GPKOW: variants seen among roughly 807,000 people sequenced by gnomAD.
GPKOW encodes the protein G-patch domain and KOW motifs-containing protein.
For missense variants in GPKOW, 359 were observed against 404.7 expected (o/e 0.89, Z 0.97); for synonymous variants, 167 against 159.1 (o/e 1.05, Z -0.37).
intron 3 of GPKOW, among the ~76,000 whole-genome samples, chrX:49,121,653 C>G (rs782512541): frequency 1.8e-5 from 2 of 110,631 alleles, no homozygotes; most frequent in South Asian, 7.6e-4. Flanking sequence ...CACGTCCCCT[C>G]TTGTCACCTC....
At chrX:49,123,503 C>T in intron 1 of GPKOW, 44 bp downstream of exon 1, 1 of 1,134,373 alleles carries the variant, frequency 8.8e-7, no homozygotes, top group African/African-American at 1.8e-5. Context: ...CCCGCTTACG[C>T]CCACCGCAGA....
intron 8 of GPKOW, 38 bp from the exon 9 acceptor site, chrX:49,115,833 A>G: frequency 8.4e-7 from 1 of 1,195,258 alleles, no homozygotes; most frequent in Non-Finnish European, 1.1e-6. Context: ...GATTTTAGAG[A>G]GGTAGGGGGG....
intron 4 of GPKOW, among the ~76,000 whole-genome samples, chrX:49,118,585 A>C (rs73634203): frequency 0.093 from 9,965 of 107,055 alleles, 1,300 homozygotes; most frequent in African/African-American, 0.33. Context: ...CTAAAAATAC[A>C]AAAATTAACC....
Position 49,119,737 on chromosome X carries a change from T to C in GPKOW, c.534A>G (p.Lys178=), listed in dbSNP as rs1424824767. Reference sequence around the variant, plus strand: ...AGGTGCGGCCGATGCCCTCGCCAGGTTTCCAGCCCATGCCCCGCAGCATGG... The same window carrying C: ...AGGTGCGGCCGATGCCCTCGCCAGGCTTCCAGCCCATGCCCCGCAGCATGG... ...GLAMLRGMGW[K]PGEGIGRTFN... Residue 178 remains lysine, a synonymous_variant, in exon 4 of 11, where the codon AAA becomes AAG. Transcript: ENST00000156109. The C allele has an allele frequency of 2.5e-6, 3 of 1,203,280 alleles. No individual in the cohort carries two copies. Among genetic ancestry groups the C allele is most frequent in the Middle Eastern group, 4.6e-4 (2 of 4,331 alleles).
In GPKOW at chrX:49,115,745, A is replaced by G. The variant is rs782801273; in HGVS notation, c.1191T>C (p.Asp397=). 1 of 1,207,473 alleles carries G rather than the reference A, an allele frequency of 8.3e-7. No individual in the cohort carries two copies. The highest frequency in any genetic ancestry group is 1.7e-5 in the African/African-American group (1 of 57,646). The change falls in exon 9 of 11, where the codon GAT becomes GAC. Residue 397 remains aspartate (D), a synonymous_variant. Transcript: ENST00000156109. ...ACTCACCTTCCAGGACTCGGCCTTC[A>G]TCTGTCCGACATACACAGGTATCTG... ...LSPDTCVCRT[D]EGRVLEGLRE...
chrX:49,119,284 TC>T (rs782135903), intron 4 of GPKOW, among the ~76,000 whole-genome samples: 303 of 110,571 alleles, frequency 2.7e-3, no homozygotes, highest in Non-Finnish European at 4.8e-3. Flanking sequence ...AATTAATTAA[TC>T]TTTTGTAGAG....
chrX:49,119,945 A>T, intron 3 of GPKOW, 131 bp from the exon 4 acceptor site: 1 of 437,963 alleles, frequency 2.3e-6, no homozygotes. Context: ...GTGAGTTTTG[A>T]TTTCCTCTTT....
At chrX:49,122,326 C>T (rs781950348) in intron 3 of GPKOW, 72 bp downstream of exon 3, 173 of 928,143 alleles carry the variant, frequency 1.9e-4, no homozygotes, top group Non-Finnish European at 2.3e-4. Flanking sequence ...TTCCCTGCTA[C>T]GTGCAGGGAC....
chrX:49,123,587 T>C lies in GPKOW; in HGVS notation c.136A>G (p.Lys46Glu), dbSNP rs1569524626. The change falls in exon 1 of 11, where the codon AAG (lysine) becomes GAG (glutamate). Residue 46 changes from lysine (K) to glutamate (E), a missense_variant. Physicochemically the swap from Lys to Glu is moderately conservative, Grantham distance 56 (BLOSUM62 1). Transcript: ENST00000156109. ...CCTTCCACGGTTTTCAAGAAATCCT[T>C]CTCCTCCGGAGATGGCCCCGCGCCG... ...GDGAGPSPEE[K>E]DFLKTVEGRE... The C allele has an allele frequency of 8.3e-7, 1 of 1,208,830 alleles. No homozygotes were observed. Among genetic ancestry groups the C allele is most frequent in the Admixed American group, 2.2e-5 (1 of 45,598 alleles).
rs140674609 is a variant in GPKOW, at chrX:49,113,725, G to A, written c.1327C>T (p.Arg443Trp). 1,597 of 1,205,595 alleles carry A rather than the reference G, an allele frequency of 1.3e-3. No homozygotes were observed. The highest frequency in any genetic ancestry group is 1.7e-3 in the Non-Finnish European group (1,527 of 892,852). Residue 443 changes from arginine to tryptophan, a missense_variant, in exon 11 of 11, where the codon CGG becomes TGG. By Grantham distance (101) the Arg-to-Trp change is moderately radical (BLOSUM62 -3). Transcript: ENST00000156109. Reference sequence around the variant, plus strand: ...GGCAGTTGCACCAAAGCCCGGCTCCGTGCTCTGTCCCGGCTCAGCAAATGT... The same window carrying A: ...GGCAGTTGCACCAAAGCCCGGCTCCATGCTCTGTCCCGGCTCAGCAAATGT... Reference protein sequence around the residue: ...VGHLLSRDRARSRALVQLPRE... With the variant: ...VGHLLSRDRAWSRALVQLPRE...
chrX:49,116,308 G>C lies in GPKOW; in HGVS notation c.929C>G (p.Thr310Ser). ...CCAGAGGGTCTTCCGTGATGAGGCA[G>C]TTCCGTTCTGTTGCCCTGGGGAAGG... Reference protein sequence around the residue: ...NTLDLRQQNGTASSRKTLWNQ... With the variant: ...NTLDLRQQNGSASSRKTLWNQ... The change falls in exon 7 of 11, where the codon ACT becomes AGT. Residue 310 changes from threonine (T) to serine (S), a missense_variant. Coordinates refer to ENST00000156109, the MANE Select transcript of GPKOW (RefSeq NM_015698.6). 8.4e-7 allele frequency: 1 copy of C among 1,188,414 alleles called. No homozygotes were observed. The highest frequency in any genetic ancestry group is 2.3e-4 in the Middle Eastern group (1 of 4,301).
In GPKOW at chrX:49,122,419, G is replaced by C. The variant is rs782534058; in HGVS notation, c.435C>G (p.Asp145Glu). Reference sequence around the variant, plus strand: ...TCACTGTCTCTGCCCGGGGTTCGCTGTCTGCCCCTTCCCCGCTGGGGGTGC... The same window carrying C: ...TCACTGTCTCTGCCCGGGGTTCGCTCTCTGCCCCTTCCCCGCTGGGGGTGC... Reference protein sequence around the residue: ...KGCTPSGEGADSEPRAETVPE... With the variant: ...KGCTPSGEGAESEPRAETVPE... Residue 145 changes from aspartate (D) to glutamate (E), a missense_variant, in exon 3 of 11, where the codon GAC becomes GAG. Physicochemically the swap from Asp to Glu is conservative, Grantham distance 45 (BLOSUM62 2). Coordinates refer to ENST00000156109, the MANE Select transcript of GPKOW (RefSeq NM_015698.6). 1.4e-5 allele frequency: 17 copies of C among 1,173,616 alleles called. No individual in the cohort carries two copies. In the Admixed American group the frequency reaches 4.3e-4, roughly 30 times the overall value.
At chrX:49,118,791 G>A (rs782266249) in intron 4 of GPKOW, among the ~76,000 whole-genome samples, 6 of 102,052 alleles carry the variant, frequency 5.9e-5, no homozygotes, top group African/African-American at 2.2e-4. Flanking sequence ...ATATTTGGCT[G>A]CCAATGGGTT....
At chrX:49,122,545 C>G in intron 2 of GPKOW, 23 bp from the exon 3 acceptor site, 2 of 1,207,285 alleles carry the variant, frequency 1.7e-6, no homozygotes, top group East Asian at 3.0e-5. Context: ...TAGGAGGGAG[C>G]AATGAAGTCC....
intron 3 of GPKOW, among the ~76,000 whole-genome samples, chrX:49,120,521 G>A (rs2065209757): frequency 9.0e-6 from 1 of 111,337 alleles, no homozygotes; most frequent in Non-Finnish European, 1.9e-5. Flanking sequence ...AGAGATGCTG[G>A]TGGCTCAGCC....
intron 3 of GPKOW, among the ~76,000 whole-genome samples, chrX:49,122,034 G>C (rs1385020785): frequency 8.9e-6 from 1 of 111,811 alleles, no homozygotes; most frequent in Non-Finnish European, 1.9e-5. Flanking sequence ...GGCCCTGCCT[G>C]GTCTAGCACC....
intron 6 of GPKOW, among the ~76,000 whole-genome samples, chrX:49,116,542 G>A (rs782569587): frequency 1.2e-4 from 13 of 110,587 alleles, no homozygotes; most frequent in Admixed American, 1.9e-4. Context: ...GAACCCTCCC[G>A]CAGCCAACCT....
intron 4 of GPKOW, among the ~76,000 whole-genome samples, chrX:49,118,124 T>C (rs2065200592): frequency 9.1e-6 from 1 of 109,692 alleles, no homozygotes; most frequent in Non-Finnish European, 1.9e-5. Flanking sequence ...TTTCACCATG[T>C]TGGTCAGGCC....
chrX:49,116,344 C>T (rs2065193983), intron 6 of GPKOW, 21 bp from the exon 7 acceptor site: 3 of 1,020,452 alleles, frequency 2.9e-6, no homozygotes, highest in Non-Finnish European at 4.1e-6. Flanking sequence ...AAGTTTTGCT[C>T]ATCTGGCCTG....
Sources: allele counts gnomAD v4.1 joint callset (sites outside exome capture counted in the v4.1 genomes callset), GRCh38; gene constraint gnomAD v4.1.1; transcripts MANE v1.5; gene names NCBI Gene and HGNC (gene_info 2026-07-23, HGNC 2026-07-21).